UBN2: variants seen among roughly 807,000 people sequenced by gnomAD.
The protein encoded by UBN2 is ubinuclein-2.
Under a neutral mutation model 120.2 loss-of-function variants are expected in UBN2, and 35 were observed. That is an observed-to-expected ratio of 0.29 (90% CI 0.22 to 0.39). The LOEUF (loss-of-function observed/expected upper bound fraction) is 0.39, where lower values mean the gene tolerates loss of function less well. Among genes scored for constraint, UBN2 ranks in the 10% least tolerant of loss-of-function variants. The pLI, the probability that UBN2 is intolerant of heterozygous loss-of-function variation, is 1.00. For missense variants in UBN2, 1,693 were observed against 1,663.2 expected (o/e 1.02, Z -0.31); for synonymous variants, 661 against 648.7 (o/e 1.02, Z -0.29).
Position 139,231,518 on chromosome 7 carries a change from T to C in UBN2, c.34T>C (p.Leu12=), listed in dbSNP as rs1796007850. The part of the protein sequence containing the change: ...AEPRRVAFIS[L]SPVRRREAEY... ...GCCGCGCAGAGTAGCGTTCATTAGC[T>C]TGTCACCGGTGCGGCGGCGCGAGGC... is the stretch of plus-strand genomic sequence containing the variant. The change falls in exon 1 of 18, where the codon TTG becomes CTG. Residue 12 remains leucine (L), a synonymous_variant. Transcript: ENST00000473989. 1.4e-6 allele frequency: 2 copies of C among 1,417,508 alleles called. No individual in the cohort carries two copies. Among genetic ancestry groups the C allele is most frequent in the East Asian group, 6.1e-5 (2 of 32,986 alleles). The allele number at this position is 1,417,508 out of a possible 1,614,324, so 87.8% of individuals were successfully genotyped here. A position where few individuals can be genotyped will look rare whatever the true frequency, so the allele number is the denominator to read the frequency against.
Position 139,284,326 on chromosome 7 carries a change from A to G in UBN2, c.3421A>G (p.Lys1141Glu), listed in dbSNP as rs1797714391. 1 of 1,614,168 alleles carries G rather than the reference A, an allele frequency of 6.2e-7. No homozygotes were observed. Among genetic ancestry groups the G allele is most frequent in the Non-Finnish European group, 8.5e-7 (1 of 1,180,030 alleles). ...SSRTSGLPPT[K>E]NLQAPSKLTN... ...TCGCACTTCAGGCCTTCCACCTACA[A>G]AAAATCTTCAGGCCCCCTCAAAGCT... is the stretch of plus-strand genomic sequence containing the variant. The change falls in exon 15 of 18, where the codon AAA becomes GAA. Residue 1141 changes from lysine (K) to glutamate (E), a missense_variant. Physicochemically the swap from Lys to Glu is moderately conservative, Grantham distance 56. This residue lies in a region of UBN2 where 837 missense variants were observed against 817.6 expected (regional missense o/e 1.02). Coordinates refer to ENST00000473989, the MANE Select transcript of UBN2 (RefSeq NM_173569.4).
chr7:139,281,127 T>A (rs1470905878), intron 13 of UBN2, among the ~76,000 whole-genome samples: 3 of 150,918 alleles, frequency 2.0e-5, no homozygotes, highest in African/African-American at 7.2e-5. Flanking sequence ...TATTCAAACA[T>A]ATGATTAATA....
intron 15 of UBN2, among the ~76,000 whole-genome samples, chr7:139,289,874 T>G (rs1797900180): frequency 1.3e-5 from 2 of 151,842 alleles, no homozygotes; most frequent in Non-Finnish European, 2.9e-5. Flanking sequence ...GAATTATGAT[T>G]AGAAGAAGCA....
chr7:139,313,611 A>G, the UBN2 span, among the ~76,000 whole-genome samples: 1 of 152,298 alleles, frequency 6.6e-6, no homozygotes, highest in African/African-American at 2.4e-5. Flanking sequence ...TATGCTAAAC[A>G]GTAATGGGGA....
At chr7:139,252,459 A>G (rs558481861) in intron 3 of UBN2, among the ~76,000 whole-genome samples, 20 of 152,312 alleles carry the variant, frequency 1.3e-4, no homozygotes, top group Middle Eastern at 3.4e-3. Context: ...AACTTTATCT[A>G]TGGTCTGTGA....
rs1158783756 is a variant in UBN2, at chr7:139,231,839, C to T, written c.355C>T (p.Pro119Ser). ...PRESASRAEQ[P>S]PRPPRETVRL... ...GGAGTCGGCTTCCCGGGCTGAGCAG[C>T]CGCCGCGGCCGCCGAGGGAGACGGT... The change falls in exon 1 of 18, where the codon CCG (proline) becomes TCG (serine). Residue 119 changes from proline to serine, a missense_variant. Transcript: ENST00000473989. 3 of 1,533,138 alleles carry T rather than the reference C, an allele frequency of 2.0e-6. No individual in the cohort carries two copies. The South Asian group carries it at 3.5e-5, about 18-fold the overall frequency. 95.0% of individuals were successfully genotyped at this position (1,533,138 alleles called of 1,614,324 possible).
chr7:139,268,928 C>T (rs911898814), intron 7 of UBN2, among the ~76,000 whole-genome samples: 8 of 152,270 alleles, frequency 5.3e-5, no homozygotes, highest in South Asian at 2.1e-4. Flanking sequence ...TGGGGCTGGG[C>T]GCAGTGGCTC....
chr7:139,275,801 CT>C (rs1797427056), intron 11 of UBN2, among the ~76,000 whole-genome samples: 2 of 152,102 alleles, frequency 1.3e-5, no homozygotes, highest in Admixed American at 1.3e-4. Flanking sequence ...AGTGAGACCC[CT>C]GACTCTGCAA....
the UBN2 span, among the ~76,000 whole-genome samples, chr7:139,320,902 T>C: frequency 6.6e-6 from 1 of 151,680 alleles, no homozygotes; most frequent in Admixed American, 6.6e-5. Context: ...GTATAAAAAG[T>C]CATATTAATA....
intron 15 of UBN2, among the ~76,000 whole-genome samples, chr7:139,285,439 G>A (rs1797755690): frequency 6.6e-6 from 1 of 152,114 alleles, no homozygotes; most frequent in African/African-American, 2.4e-5. Context: ...AGCCTTCTTG[G>A]GGCACTAACT....
chr7:139,308,340 G>A (rs1270717600), downstream of UBN2: 1 of 151,966 alleles, frequency 6.6e-6, no homozygotes, highest in Non-Finnish European at 1.5e-5. Context: ...AGGTTTATAG[G>A]GTACAAGAAG....
At chr7:139,242,656 C>G (rs752199612) in intron 2 of UBN2, among the ~76,000 whole-genome samples, 9 of 152,160 alleles carry the variant, frequency 5.9e-5, no homozygotes, top group Non-Finnish European at 1.2e-4. Context: ...TGTGACATGC[C>G]CTTTTAATTC....
chr7:139,285,955 G>C (rs1288522808), intron 15 of UBN2, among the ~76,000 whole-genome samples: 6 of 151,868 alleles, frequency 4.0e-5, no homozygotes, highest in Non-Finnish European at 8.8e-5. Flanking sequence ...TTGAGACGGA[G>C]TCTTCTCTGT....
intron 8 of UBN2, among the ~76,000 whole-genome samples, chr7:139,271,413 C>G (rs1338831274): frequency 1.3e-5 from 2 of 151,936 alleles, no homozygotes; most frequent in Non-Finnish European, 2.9e-5. Context: ...ATGGCAAAAC[C>G]CTGTCCTACT....
chr7:139,293,363 C>A lies in UBN2; in HGVS notation c.3801C>A (p.Phe1267Leu), dbSNP rs1189321620. The change falls in exon 16 of 18, where the codon TTC (phenylalanine) becomes TTA (leucine). Residue 1267 changes from phenylalanine to leucine, a missense_variant. Coordinates refer to ENST00000473989, the MANE Select transcript of UBN2 (RefSeq NM_173569.4). ...LGGLVPVTMPFQFPLEIFGFG... is the reference protein window; with the variant it reads ...LGGLVPVTMPLQFPLEIFGFG... ...GCCTTGTTCCAGTGACCATGCCCTT[C>A]CAGTTTCCCTTGGAGATATTTGGCT... is the stretch of plus-strand genomic sequence containing the variant. 3 of 1,613,994 alleles carry A rather than the reference C, an allele frequency of 1.9e-6. No homozygotes were observed. The African/African-American group carries it at 4.0e-5, about 22-fold the overall frequency.
At chr7:139,314,274 G>A in the UBN2 span, among the ~76,000 whole-genome samples, 1 of 149,734 alleles carries the variant, frequency 6.7e-6, no homozygotes, top group South Asian at 2.2e-4. Flanking sequence ...GGCCAATATG[G>A]TGAAACCCCA....
At chr7:139,258,710 T>TTA (rs1161146649) in intron 4 of UBN2, 85 bp downstream of exon 4, 6 of 1,245,366 alleles carry the variant, frequency 4.8e-6, no homozygotes, top group African/African-American at 1.5e-5. Context: ...CACGTGTGAA[T>TTA]GTAAGGAAAA....
In UBN2 at chr7:139,302,068, C is replaced by CT. The variant is rs1442280274; in HGVS notation, c.*4235dup. 3 of 152,178 alleles carry CT rather than the reference C, an allele frequency of 2.0e-5. No individual in the cohort carries two copies. The East Asian group carries it at 5.8e-4, about 29-fold the overall frequency. The allele number at this position is 152,178 out of a possible 1,614,324, so 9.4% of individuals were successfully genotyped here. ...CCTCTAAAACATGCTCAATTCAGGC[C>CT]TTTGTCTTTGTTAAGTGCCTTTTTT... On this transcript the variant is annotated 3_prime_UTR_variant, in exon 18 of 18. Transcript: ENST00000473989.
chr7:139,233,852 A>G (rs544613562), intron 1 of UBN2, among the ~76,000 whole-genome samples: 6 of 152,230 alleles, frequency 3.9e-5, no homozygotes, highest in African/African-American at 1.4e-4. Context: ...CTTTCATGCA[A>G]TAGGAGAAAG....
Sources: allele counts gnomAD v4.1 joint callset (sites outside exome capture counted in the v4.1 genomes callset), GRCh38; gene constraint gnomAD v4.1.1; regional missense constraint gnomAD v4.1.1; transcripts MANE v1.5; gene names NCBI Gene and HGNC (gene_info 2026-07-23, HGNC 2026-07-21).